The following ARHGAP23 variants were observed in gnomAD, a reference collection of about 807,000 sequenced individuals.
ARHGAP23 encodes rho GTPase-activating protein 23.
A neutral mutation model predicts 136.3 loss-of-function variants in ARHGAP23; 34 were observed. That is an observed-to-expected ratio of 0.25 (90% CI 0.19 to 0.33). ARHGAP23 has a LOEUF of 0.33. Among genes scored for constraint, ARHGAP23 ranks in the 10% least tolerant of loss-of-function variants. The probability of loss-of-function intolerance (pLI) is 1.00; values close to 1 mark genes in which losing one functional copy is unlikely to be tolerated. For missense variants in ARHGAP23, 1,808 were observed against 2,139.0 expected (o/e 0.85, Z 3.05); for synonymous variants, 832 against 920.5 (o/e 0.90, Z 1.74).
chr17:38,425,843 C>T (rs908578093), upstream of ARHGAP23, among the ~76,000 whole-genome samples: 1 of 150,090 alleles, frequency 6.7e-6, no homozygotes, highest in Non-Finnish European at 1.5e-5. Context: ...GGTGGGGGTG[C>T]AGGTCAAGGT....
At position 38,510,174 on chromosome 17, in the gene ARHGAP23, CG is replaced by C; in HGVS notation, c.3680del (p.Gly1227AspfsTer56). ...CTGGCGCCGTCGCCCCCGAGGCCCC[CG>C]GACGCCTCAGTCCCCCGGCGGCGCC... Reference protein sequence around the residue: ...LPGAVAPEAPGRLSPPAAPEE... With the variant: ...LPGAVAPEAPXRLSPPAAPEE... On this transcript the variant is annotated frameshift_variant, in exon 24 of 24. Transcript: ENST00000622683. LOFTEE classifies it high-confidence loss of function. This position sits in a 1 kb window ranked among gnomAD's most constrained non-coding sequence, Gnocchi z 4.6. The C allele has an allele frequency of 7.6e-7, 1 of 1,310,752 alleles. No homozygotes were observed. 81.2% of individuals were successfully genotyped at this position (1,310,752 alleles called of 1,614,324 possible). A position where few individuals can be genotyped will look rare whatever the true frequency, so the allele number is the denominator to read the frequency against.
intron 1 of ARHGAP23, among the ~76,000 whole-genome samples, chr17:38,436,839 C>T (rs547800666): frequency 1.1e-3 from 168 of 152,248 alleles, no homozygotes; most frequent in Non-Finnish European, 1.7e-3. Flanking sequence ...CCATGGTAAT[C>T]GTTGGAAAGT....
chr17:38,462,402 C>T (rs1219138312), intron 3 of ARHGAP23, among the ~76,000 whole-genome samples: 8 of 151,838 alleles, frequency 5.3e-5, no homozygotes, highest in African/African-American at 1.9e-4. Context: ...TACAGGCATG[C>T]GTGCCACCAC....
chr17:38,510,743 A>G lies in ARHGAP23; in HGVS notation c.4247A>G (p.Asp1416Gly). Residue 1416 changes from aspartate (D) to glycine (G), a missense_variant, in exon 24 of 24, where the codon GAC (aspartate) becomes GGC (glycine). Asp to Gly is a moderately conservative substitution (Grantham distance 94). This residue lies in a region of ARHGAP23 where 506 missense variants were observed against 455.8 expected (regional missense o/e 1.11). Transcript: ENST00000622683. The surrounding 1 kb of genome is among the most constrained non-coding windows in gnomAD (Gnocchi z 4.6). ...GTGGTGGTGCAGAGCCCGCTGACTG[A>G]CCTCAACTTCAACGAGTGGAAGGAG... ...HTVVVQSPLT[D>G]LNFNEWKELG... 2 of 1,482,268 alleles carry G rather than the reference A, an allele frequency of 1.3e-6. No homozygotes were observed. Among genetic ancestry groups the G allele is most frequent in the Non-Finnish European group, 1.8e-6 (2 of 1,119,288 alleles). 91.8% of individuals were successfully genotyped at this position (1,482,268 alleles called of 1,614,324 possible).
intron 22 of ARHGAP23, 44 bp downstream of exon 22, chr17:38,498,554 C>T: frequency 7.0e-7 from 1 of 1,434,530 alleles, no homozygotes; most frequent in Middle Eastern, 2.5e-4. Context: ...AGGTTGGACA[C>T]TGCATTCCTG....
At chr17:38,459,219 T>A (rs1297288986) in intron 2 of ARHGAP23, among the ~76,000 whole-genome samples, 1 of 152,208 alleles carries the variant, frequency 6.6e-6, no homozygotes, top group Non-Finnish European at 1.5e-5. Flanking sequence ...GTCCCACCTA[T>A]CAGAGAACCA....
intron 1 of ARHGAP23, among the ~76,000 whole-genome samples, chr17:38,441,148 C>CT: frequency 6.6e-6 from 1 of 152,358 alleles, no homozygotes. Context: ...TCAGACCTGC[C>CT]TGCTGCTGTG....
rs746650477 is a variant in ARHGAP23, at chr17:38,479,786, C to A, written c.2532C>A (p.Pro844=). ...HSSGPKADSS[P]KGSRGLGGLK... ...CTGGGCCCAAAGCTGATTCCTCCCC[C>A]AAAGGCTCTCGCGGCCTGGGGGGCC... Residue 844 remains proline (P), a synonymous_variant, in exon 14 of 24, where the codon CCC becomes CCA. Coordinates refer to ENST00000622683, the MANE Select transcript of ARHGAP23 (RefSeq NM_001199417.2). The A allele has an allele frequency of 4.0e-6, 6 of 1,507,430 alleles. No homozygotes were observed. The highest frequency in any genetic ancestry group is 2.6e-5 in the South Asian group (2 of 76,966). 93.4% of individuals were successfully genotyped at this position (1,507,430 alleles called of 1,614,324 possible).
At chr17:38,471,789 A>G in intron 10 of ARHGAP23, 74 bp from the exon 11 acceptor site, 1 of 1,453,272 alleles carries the variant, frequency 6.9e-7, no homozygotes, top group South Asian at 1.3e-5. Context: ...TGCGGCCACA[A>G]GTGGTCCATG....
chr17:38,464,152 C>T (rs2039527092), intron 6 of ARHGAP23, among the ~76,000 whole-genome samples: 1 of 152,176 alleles, frequency 6.6e-6, no homozygotes, highest in Non-Finnish European at 1.5e-5. Context: ...TCAGCACGTG[C>T]GCCCACCCGT....
chr17:38,508,851 C>G (rs1400761296), intron 23 of ARHGAP23, among the ~76,000 whole-genome samples: 1 of 152,044 alleles, frequency 6.6e-6, no homozygotes, highest in African/African-American at 2.4e-5. Context: ...CCTACAGACA[C>G]CCAGGTAGAA....
At chr17:38,428,377 G>GT (rs1467748839), upstream of ARHGAP23, 5 of 378,772 alleles carry the variant, frequency 1.3e-5, no homozygotes, top group African/African-American at 1.1e-4. Context: ...GCGGACCCCG[G>GT]GGGGGGCCCC....
rs1204688812 is a variant in ARHGAP23, at chr17:38,477,698, C to T, written c.2238C>T (p.Ala746=). The change falls in exon 12 of 24, where the codon GCC becomes GCT. Residue 746 remains alanine (A), a synonymous_variant. Coordinates refer to ENST00000622683, the MANE Select transcript of ARHGAP23 (RefSeq NM_001199417.2). The surrounding 1 kb of genome is among the most constrained non-coding windows in gnomAD (Gnocchi z 6.6). ...PGPAAAGAAA[A]GAGEDEAAPV... is the part of the protein sequence containing the mutation. ...CGGCGGCGGCGGGGGCTGCGGCGGCCGGCGCAGGTGAGGACGAGGCGGCGC... is the reference window on the plus strand; with the variant it reads ...CGGCGGCGGCGGGGGCTGCGGCGGCTGGCGCAGGTGAGGACGAGGCGGCGC... 13 of 1,432,090 alleles carry T rather than the reference C, an allele frequency of 9.1e-6. No homozygotes were observed. In the East Asian group the frequency reaches 1.8e-4, roughly 20 times the overall value. The allele number at this position is 1,432,090 out of a possible 1,614,324, so 88.7% of individuals were successfully genotyped here.
exon 1 of ARHGAP23, chr17:38,419,304 A>G (rs2037633827): frequency 6.6e-6 from 1 of 151,456 alleles, no homozygotes; most frequent in East Asian, 2.0e-4. Context: ...CGCCGGGTGC[A>G]GCTGCCCGGA....
intron 4 of ARHGAP23, 81 bp downstream of exon 4, chr17:38,463,022 TCCTGTCCCCAC>T: frequency 6.5e-7 from 1 of 1,527,034 alleles, no homozygotes; most frequent in Non-Finnish European, 8.9e-7. Flanking sequence ...TTGGGGAGGC[TCCTGTCCCCAC>T]AGTGTTAGCC....
At chr17:38,428,676 G>C in intron 1 of ARHGAP23, 128 bp downstream of exon 1, 4 of 569,716 alleles carry the variant, frequency 7.0e-6, no homozygotes, top group Non-Finnish European at 1.0e-5. Flanking sequence ...GGGCACCGCG[G>C]GCACCGCTGC....
upstream of ARHGAP23, among the ~76,000 whole-genome samples, chr17:38,425,883 G>A (rs988928554): frequency 1.3e-5 from 2 of 152,018 alleles, no homozygotes; most frequent in African/African-American, 2.4e-5. Flanking sequence ...GCGGCAGGGT[G>A]GGGAGAGAGC....
intron 19 of ARHGAP23, among the ~76,000 whole-genome samples, chr17:38,490,779 G>T (rs987914695): frequency 1.6e-4 from 24 of 152,162 alleles, no homozygotes; most frequent in Non-Finnish European, 4.4e-5. Flanking sequence ...AGGGAACCCC[G>T]GCCCCCCGTA....
chr17:38,434,517 C>T (rs577993597), intron 1 of ARHGAP23, among the ~76,000 whole-genome samples: 4 of 152,296 alleles, frequency 2.6e-5, no homozygotes, highest in South Asian at 2.1e-4. Flanking sequence ...ACCCAAGGGC[C>T]GAGGCCTGAG....
Sources: gnomAD v4.1 joint callset for allele counts (sites outside exome capture counted in the v4.1 genomes callset) on GRCh38, gnomAD v4.1.1 for gene constraint, gnomAD v4.1.1 regional missense constraint, Gnocchi (gnomAD v3.1) non-coding constraint, MANE v1.5 for transcripts, NCBI Gene and HGNC (gene_info 2026-07-23, HGNC 2026-07-21) for gene names.